Variants in PRKG1 observed in about 807,000 individuals in gnomAD.
PRKG1 encodes protein kinase cGMP-dependent 1.
PRKG1 carries 35 observed loss-of-function variants against 88.1 expected under a neutral mutation model. The observed-to-expected ratio is 0.40, with a 90% CI of 0.30 to 0.53. The LOEUF is 0.53. Among genes scored for constraint, PRKG1 ranks in the 20% least tolerant of loss-of-function variants. The pLI, the probability that PRKG1 is intolerant of heterozygous loss-of-function variation, is 0.59. For missense variants in PRKG1, 540 were observed against 839.8 expected (o/e 0.64, Z 4.41); for synonymous variants, 303 against 292.5 (o/e 1.04, Z -0.37).
intron 5 of PRKG1, among the ~76,000 whole-genome samples, chr10:51,932,148 C>A (rs1436475768): frequency 6.7e-6 from 1 of 148,930 alleles, no homozygotes; most frequent in Non-Finnish European, 1.5e-5. Flanking sequence ...CAGAAATCTT[C>A]TTATTTAAGA....
rs370991879 is a variant in PRKG1, at chr10:51,530,767, C to G, written c.592+62931C>G. 3.9e-5 allele frequency among the ~76,000 whole-genome samples: 6 copies of G among 152,330 alleles called. No individual in the cohort carries two copies. In the East Asian group the frequency reaches 7.7e-4, roughly 20 times the overall value. On this transcript the variant is annotated intron_variant, in intron 3 of 17. Coordinates refer to ENST00000373980, the MANE Select transcript of PRKG1 (RefSeq NM_006258.4). The stretch of plus-strand genomic sequence containing the variant: ...CAAGAACCGTCCCTCTCTTCTCACA[C>G]ACGACCTTCCACCCACCCCAAGAAA...
chr10:51,350,719 T>C (rs1842222256), intron 2 of PRKG1, among the ~76,000 whole-genome samples: 1 of 152,192 alleles, frequency 6.6e-6, no homozygotes, highest in Admixed American at 6.5e-5. Flanking sequence ...GATAAGCAAA[T>C]TCAGCAAGTT....
chr10:51,908,736 T>C (rs866495311), intron 5 of PRKG1: 5 of 127,778 alleles, frequency 3.9e-5, no homozygotes, highest in African/African-American at 1.1e-4. Context: ...TATATGTAAT[T>C]TTTTTTTTTT....
intron 1 of PRKG1, among the ~76,000 whole-genome samples, chr10:51,138,973 C>T (rs545356469): frequency 3.0e-4 from 46 of 152,122 alleles, no homozygotes; most frequent in South Asian, 1.5e-3. Flanking sequence ...TGAGCCACTC[C>T]GCCCGGCCAC....
intron 3 of PRKG1, among the ~76,000 whole-genome samples, chr10:51,733,062 A>C (rs902118804): frequency 3.3e-5 from 5 of 151,898 alleles, no homozygotes; most frequent in Admixed American, 2.6e-4. Context: ...AATAAAAAAT[A>C]AACAACAACA....
intron 4 of PRKG1, among the ~76,000 whole-genome samples, chr10:51,816,008 G>T (rs1288875721): frequency 6.6e-6 from 1 of 152,168 alleles, no homozygotes; most frequent in East Asian, 1.9e-4. Flanking sequence ...ACTCAAAACA[G>T]AATAAGCTGG....
At chr10:51,773,598 G>T (rs1351478429) in intron 3 of PRKG1, among the ~76,000 whole-genome samples, 1 of 152,140 alleles carries the variant, frequency 6.6e-6, no homozygotes, top group African/African-American at 2.4e-5. Context: ...TAAAAAATAT[G>T]ATTTACCTCT....
intron 7 of PRKG1, among the ~76,000 whole-genome samples, chr10:52,101,571 A>G (rs1287817197): frequency 6.6e-6 from 1 of 152,210 alleles, no homozygotes; most frequent in African/African-American, 2.4e-5. Context: ...AGTAATCAAC[A>G]TTTAATGAAT....
chr10:52,272,139 C>A (rs1841744973), intron 11 of PRKG1, among the ~76,000 whole-genome samples: 1 of 152,040 alleles, frequency 6.6e-6, no homozygotes. Context: ...GAAAGAATCC[C>A]AAGAAACCCT....
intron 2 of PRKG1, among the ~76,000 whole-genome samples, chr10:51,296,643 T>G (rs1411065248): frequency 6.6e-6 from 1 of 152,078 alleles, no homozygotes; most frequent in Admixed American, 6.6e-5. Context: ...TTTATGGATT[T>G]TTTTATTGTT....
rs1178769078 is a variant in PRKG1, at chr10:52,295,768, T to A, written c.*1868T>A. The A allele has an allele frequency of 2.6e-5, 4 of 152,054 alleles. No homozygotes were observed. The East Asian group carries it at 7.7e-4, about 29-fold the overall frequency. The allele number at this position is 152,054 out of a possible 1,614,324, so 9.4% of individuals were successfully genotyped here. A position where few individuals can be genotyped will look rare whatever the true frequency, so the allele number is the denominator to read the frequency against. ...TAAATTTTGCTTGAATTGTTCTTAC[T>A]CAAAACTACCTTAGAATATGGTATC... On this transcript the variant is annotated 3_prime_UTR_variant, in exon 18 of 18. Coordinates refer to ENST00000373980, the MANE Select transcript of PRKG1 (RefSeq NM_006258.4).
intron 2 of PRKG1, among the ~76,000 whole-genome samples, chr10:51,270,551 T>C (rs1220998594): frequency 2.6e-5 from 4 of 152,160 alleles, no homozygotes; most frequent in Admixed American, 2.6e-4. Context: ...ATATAGTGAG[T>C]TACTCCTGGA....
At chr10:51,205,122 C>CTTTTCTTTCTTTTTTT (rs1838013921) in intron 2 of PRKG1, among the ~76,000 whole-genome samples, 1 of 34,934 alleles carries the variant, frequency 2.9e-5, no homozygotes, top group African/African-American at 1.1e-4. Flanking sequence ...TTTTCATTTT[C>CTTTTCTTTCTTTTTTT]TTTTCTTTTT....
intron 2 of PRKG1, among the ~76,000 whole-genome samples, chr10:51,204,562 C>A (rs1429868549): frequency 6.6e-6 from 1 of 152,114 alleles, no homozygotes; most frequent in Non-Finnish European, 1.5e-5. Context: ...AGCCTCATAG[C>A]TACCCTGCTG....
chr10:51,939,002 A>G (rs7071586), intron 5 of PRKG1, among the ~76,000 whole-genome samples: 10,467 of 152,052 alleles, frequency 0.069, 1,133 homozygotes, highest in African/African-American at 0.23. Flanking sequence ...TGAATTTTAT[A>G]GTGTATGAGT....
chr10:51,923,495 C>A (rs1194720981), intron 5 of PRKG1, among the ~76,000 whole-genome samples: 1 of 149,640 alleles, frequency 6.7e-6, no homozygotes, highest in African/African-American at 2.4e-5. Context: ...ATAATATTGA[C>A]ATAATATGCT....
intron 1 of PRKG1, among the ~76,000 whole-genome samples, chr10:51,106,375 T>C (rs1589156368): frequency 6.6e-6 from 1 of 152,174 alleles, no homozygotes; most frequent in African/African-American, 2.4e-5. Context: ...TAAGACACGA[T>C]GGTTCAGCTA....
intron 14 of PRKG1, among the ~76,000 whole-genome samples, chr10:52,283,222 CA>C (rs1842037786): frequency 1.3e-5 from 2 of 151,898 alleles, no homozygotes; most frequent in African/African-American, 2.4e-5. Context: ...CAGTAATAAG[CA>C]AATTGGAAGA....
rs115386616 is a variant in PRKG1, at chr10:52,059,613, A to G, written c.841-2924A>G. ...TTAGTTTGATGCAGAACAGACTATA[A>G]GGGTGAGGAATGAGAAGGATATGAC... On this transcript the variant is annotated intron_variant, in intron 6 of 17. Coordinates refer to ENST00000373980, the MANE Select transcript of PRKG1 (RefSeq NM_006258.4). 1.0e-2 allele frequency among the ~76,000 whole-genome samples: 1,515 copies of G among 152,024 alleles called. 28 individuals carry two copies. The highest frequency in any genetic ancestry group is 0.034 in the African/African-American group (1,393 of 41,526).
Sources: gnomAD v4.1 joint callset for allele counts (sites outside exome capture counted in the v4.1 genomes callset) on GRCh38, gnomAD v4.1.1 for gene constraint, MANE v1.5 for transcripts, NCBI Gene and HGNC (gene_info 2026-07-23, HGNC 2026-07-21) for gene names.